Variants in MME observed in about 807,000 individuals in gnomAD.
MME encodes the protein neprilysin.
In MME, 98 loss-of-function variants were observed where a neutral mutation model predicts 113.2. That is an observed-to-expected ratio of 0.87 (90% CI 0.74 to 1.02). MME has a LOEUF of 1.02. Ranked by LOEUF, MME falls within the 50% of genes least tolerant of loss-of-function variation. The probability of loss-of-function intolerance (pLI) is 0.00; values close to 1 mark genes in which losing one functional copy is unlikely to be tolerated. For synonymous variants in MME, 292 were observed against 300.6 expected (o/e 0.97, Z 0.30); for missense variants, 836 against 896.0 (o/e 0.93, Z 0.86).
chr3:155,140,671 G>A (rs1020387385), intron 10 of MME, among the ~76,000 whole-genome samples: 7 of 152,068 alleles, frequency 4.6e-5, no homozygotes, highest in Admixed American at 3.9e-4. Flanking sequence ...GCCTCCCAAA[G>A]TGTTAGCCAC....
At chr3:155,143,402 T>C (rs1371846446) in intron 12 of MME, 41 bp from the exon 13 acceptor site, 6 of 1,605,064 alleles carry the variant, frequency 3.7e-6, no homozygotes, top group African/African-American at 2.7e-5. Flanking sequence ...CTCCAGACCT[T>C]TCCTTCTGGT....
chr3:155,129,309 G>C (rs1169725988), intron 8 of MME, among the ~76,000 whole-genome samples: 1 of 152,112 alleles, frequency 6.6e-6, no homozygotes, highest in Non-Finnish European at 1.5e-5. Context: ...TCCTTTATCA[G>C]ATTATTAACT....
intron 3 of MME, among the ~76,000 whole-genome samples, chr3:155,108,837 G>A (rs1005842147): frequency 1.3e-5 from 2 of 152,092 alleles, no homozygotes; most frequent in African/African-American, 4.8e-5. Context: ...GTTGTGTATA[G>A]TGCCCAAAAT....
At chr3:155,083,982 T>C (rs1715410919) in intron 1 of MME, 176 bp from the exon 2 acceptor site, 5 of 598,488 alleles carry the variant, frequency 8.4e-6, no homozygotes, top group Non-Finnish European at 1.5e-5. Flanking sequence ...CCTGTCAAAT[T>C]CATTTGGCTC....
intron 22 of MME, among the ~76,000 whole-genome samples, chr3:155,175,665 G>C (rs919067148): frequency 6.6e-6 from 1 of 152,110 alleles, no homozygotes; most frequent in Non-Finnish European, 1.5e-5. Context: ...CAGTCAGGAA[G>C]AAAGGGCACT....
chr3:155,098,444 T>G (rs1201281432), intron 3 of MME, among the ~76,000 whole-genome samples: 1 of 151,888 alleles, frequency 6.6e-6, no homozygotes, highest in African/African-American at 2.4e-5. Flanking sequence ...TAGTCCCAGC[T>G]ACTCGGGAGG....
At chr3:155,148,480 C>T in intron 15 of MME, 70 bp from the exon 16 acceptor site, 1 of 1,040,064 alleles carries the variant, frequency 9.6e-7, no homozygotes, top group Non-Finnish European at 1.5e-6. Context: ...AAGAAAATCC[C>T]TATGTTTTTA....
At chr3:155,073,101 A>C (rs894510842) in intron 1 of MME, among the ~76,000 whole-genome samples, 7 of 152,166 alleles carry the variant, frequency 4.6e-5, no homozygotes, top group Non-Finnish European at 1.0e-4. Flanking sequence ...CGAGTTGTGG[A>C]ATAGCTTGGT....
intron 8 of MME, among the ~76,000 whole-genome samples, chr3:155,137,753 G>GA (rs1559942603): frequency 6.6e-6 from 1 of 151,958 alleles, no homozygotes; most frequent in African/African-American, 2.4e-5. Context: ...ATTATTCAGC[G>GA]AAAAAATTAG....
chr3:155,077,800 A>C (rs1714805230), upstream of MME, among the ~76,000 whole-genome samples: 1 of 152,184 alleles, frequency 6.6e-6, no homozygotes. Context: ...ACCAGTTACC[A>C]ATCCATACTG....
At position 155,095,641 on chromosome 3, in the gene MME, A is replaced by G. The variant is rs182740915; in HGVS notation, c.196+10547A>G. ...GCAATCCACACGCCTCAGCCTCCCA[A>G]GCAGCTAGAACAACAGGCACATGCC... On this transcript the variant is annotated intron_variant, in intron 3 of 22. Coordinates refer to ENST00000360490, the MANE Select transcript of MME (RefSeq NM_007289.4). Among the ~76,000 whole-genome samples the G allele has an allele frequency of 3.9e-5, 6 of 152,224 alleles. No homozygotes were observed. In the East Asian group the frequency reaches 1.2e-3, roughly 29 times the overall value.
At chr3:155,173,572 G>GTCATCATCATCA (rs71624560) in intron 22 of MME, among the ~76,000 whole-genome samples, 3 of 149,870 alleles carry the variant, frequency 2.0e-5, no homozygotes, top group African/African-American at 7.4e-5. Context: ...TATCATCGTT[G>GTCATCATCATCA]TCATCATCAT....
intron 1 of MME, among the ~76,000 whole-genome samples, chr3:155,044,136 T>C (rs555928389): frequency 1.4e-5 from 2 of 145,084 alleles, no homozygotes; most frequent in Non-Finnish European, 3.0e-5. Context: ...TTTTTTTTTT[T>C]TTTTTTTTTT....
chr3:155,093,416 T>C (rs1716459366), intron 3 of MME, among the ~76,000 whole-genome samples: 2 of 152,264 alleles, frequency 1.3e-5, no homozygotes, highest in African/African-American at 2.4e-5. Context: ...GTCAAAGACA[T>C]ATGTGTCCAG....
intron 3 of MME, among the ~76,000 whole-genome samples, chr3:155,103,881 A>G (rs1717467940): frequency 6.6e-6 from 1 of 152,224 alleles, no homozygotes; most frequent in South Asian, 2.1e-4. Flanking sequence ...CAGCTCACGC[A>G]TACATGCATA....
intron 3 of MME, among the ~76,000 whole-genome samples, chr3:155,087,677 A>G (rs1715883928): frequency 6.6e-6 from 1 of 152,064 alleles, no homozygotes; most frequent in Non-Finnish European, 1.5e-5. Context: ...ATCTTAATCT[A>G]TAGATTCTCT....
At position 155,142,734 on chromosome 3, in the gene MME, G is replaced by T. The variant is rs16824596; in HGVS notation, c.1188+404G>T. Reference sequence around the variant, plus strand: ...ACAATATTGATGTGGGCAGTCTATTGAAAGTACCCCTACCTGGAGTTAAAT... The same window carrying T: ...ACAATATTGATGTGGGCAGTCTATTTAAAGTACCCCTACCTGGAGTTAAAT... On this transcript the variant is annotated intron_variant, in intron 12 of 22. Transcript: ENST00000360490. Among the ~76,000 whole-genome samples the T allele has an allele frequency of 4.0e-3, 609 of 152,190 alleles. 4 individuals carry two copies. Among genetic ancestry groups the T allele is most frequent in the African/African-American group, 0.014 (578 of 41,528 alleles).
At chr3:155,173,628 A>G (rs574301120) in intron 22 of MME, among the ~76,000 whole-genome samples, 5 of 151,792 alleles carry the variant, frequency 3.3e-5, no homozygotes, top group Non-Finnish European at 7.4e-5. Flanking sequence ...ATTTCTTTCA[A>G]TATTCATTCA....
intron 18 of MME, among the ~76,000 whole-genome samples, chr3:155,167,230 C>G (rs1333131812): frequency 6.6e-6 from 1 of 152,120 alleles, no homozygotes; most frequent in African/African-American, 2.4e-5. Context: ...GCTTTACACT[C>G]TGGCAGAATG....
Sources: allele counts gnomAD v4.1 joint callset (sites outside exome capture counted in the v4.1 genomes callset), GRCh38; gene constraint gnomAD v4.1.1; transcripts MANE v1.5; gene names NCBI Gene and HGNC (gene_info 2026-07-23, HGNC 2026-07-21).